Variants in TMOD1 observed in about 807,000 individuals in gnomAD.
The protein encoded by TMOD1 is tropomodulin-1.
TMOD1 carries 17 observed loss-of-function variants against 40.6 expected under a neutral mutation model. The observed-to-expected ratio is 0.42, with a 90% CI of 0.29 to 0.63. TMOD1 has a LOEUF of 0.63. Ranked by LOEUF, TMOD1 falls within the 20% of genes least tolerant of loss-of-function variation. The probability of loss-of-function intolerance (pLI) is 0.22; values close to 1 mark genes in which losing one functional copy is unlikely to be tolerated. For missense variants in TMOD1, 391 were observed against 447.6 expected (o/e 0.87, Z 1.14); for synonymous variants, 181 against 175.0 (o/e 1.03, Z -0.27).
At chr9:97,587,941 C>T (rs949950224) in intron 8 of TMOD1, among the ~76,000 whole-genome samples, 8 of 152,298 alleles carry the variant, frequency 5.3e-5, no homozygotes, top group Non-Finnish European at 7.4e-5. Flanking sequence ...ACTTTATTCC[C>T]TTTCTGACTG....
At chr9:97,545,202 CT>C (rs1830342377) in intron 2 of TMOD1, among the ~76,000 whole-genome samples, 1 of 152,216 alleles carries the variant, frequency 6.6e-6, no homozygotes, top group Non-Finnish European at 1.5e-5. Flanking sequence ...AAGAAGAACG[CT>C]GGTTTTTGTT....
chr9:97,538,564 C>T (rs1028341541), intron 2 of TMOD1, among the ~76,000 whole-genome samples: 4 of 152,168 alleles, frequency 2.6e-5, no homozygotes, highest in Non-Finnish European at 5.9e-5. Flanking sequence ...CAATTTCCCA[C>T]AGGCACCATG....
chr9:97,566,199 G>T (rs778672210), intron 7 of TMOD1, among the ~76,000 whole-genome samples: 21 of 152,134 alleles, frequency 1.4e-4, no homozygotes, highest in Non-Finnish European at 2.6e-4. Context: ...TCCCCACTTT[G>T]CACTTAAAAA....
intron 2 of TMOD1, among the ~76,000 whole-genome samples, chr9:97,542,686 C>T (rs1830291613): frequency 1.3e-5 from 2 of 151,926 alleles, no homozygotes; most frequent in African/African-American, 4.8e-5. Flanking sequence ...AACCCCGCCT[C>T]TACTAGAAAT....
At position 97,564,145 on chromosome 9, in the gene TMOD1, G is replaced by A; in HGVS notation, c.595G>A (p.Glu199Lys). The change falls in exon 6 of 10, where the codon GAA (glutamate) becomes AAA (lysine). Residue 199 changes from glutamate to lysine, a missense_variant. Transcript: ENST00000259365. ...AAAGAACAACGACCCAAAACTTGAA[G>A]AAGTTAACCTCAATAATATCCGGGT... ...RIKNNDPKLE[E>K]VNLNNIRNIP... 1 of 1,609,824 alleles carries A rather than the reference G, an allele frequency of 6.2e-7. No individual in the cohort carries two copies. Among genetic ancestry groups the A allele is most frequent in the East Asian group, 2.2e-5 (1 of 44,794 alleles).
At chr9:97,576,044 A>G (rs1049906464) in intron 8 of TMOD1, among the ~76,000 whole-genome samples, 1 of 152,050 alleles carries the variant, frequency 6.6e-6, no homozygotes, top group Admixed American at 6.5e-5. Context: ...AAAAAACAGA[A>G]GTAACCTAAA....
intron 2 of TMOD1, among the ~76,000 whole-genome samples, chr9:97,544,429 G>A (rs934968256): frequency 2.0e-5 from 3 of 151,950 alleles, no homozygotes; most frequent in African/African-American, 2.4e-5. Flanking sequence ...CCAGCTACTC[G>A]GGAGGCTGAG....
At position 97,600,355 on chromosome 9, in the gene TMOD1, A is replaced by G; in HGVS notation, c.*657A>G. On this transcript the variant is annotated 3_prime_UTR_variant, in exon 10 of 10. Transcript: ENST00000259365. ...AATGGTGAAATTTCAAGTTTCAAAA[A>G]CCAACCTTTCATTACCAATCCCAGG... The G allele has an allele frequency of 5.1e-6, 5 of 986,166 alleles. No homozygotes were observed. The highest frequency in any genetic ancestry group is 6.0e-6 in the Non-Finnish European group (5 of 830,218). The allele number at this position is 986,166 out of a possible 1,614,324, so 61.1% of individuals were successfully genotyped here. A position where few individuals can be genotyped will look rare whatever the true frequency, so the allele number is the denominator to read the frequency against.
At position 97,553,344 on chromosome 9, in the gene TMOD1, C is replaced by A. The variant is rs760447981; in HGVS notation, c.341C>A (p.Pro114Gln). 4 of 1,614,060 alleles carry A rather than the reference C, an allele frequency of 2.5e-6. No homozygotes were observed. In the Admixed American group the frequency reaches 6.7e-5, roughly 27 times the overall value. ...DPVLESVTLE[P>Q]ELEEALANAS... Reference sequence around the variant, plus strand: ...GTGCTGGAAAGTGTGACGCTGGAACCGGAGCTGGAGGAAGCCTTGGCAAAT... The same window carrying A: ...GTGCTGGAAAGTGTGACGCTGGAACAGGAGCTGGAGGAAGCCTTGGCAAAT... Residue 114 changes from proline to glutamine, a missense_variant, in exon 4 of 10, where the codon CCG (proline) becomes CAG (glutamine). Coordinates refer to ENST00000259365, the MANE Select transcript of TMOD1 (RefSeq NM_003275.4).
intron 2 of TMOD1, among the ~76,000 whole-genome samples, chr9:97,535,581 G>C (rs560026163): frequency 3.3e-5 from 5 of 152,132 alleles, no homozygotes; most frequent in Non-Finnish European, 5.9e-5. Context: ...GGCTGGGATC[G>C]TACCGTCATT....
chr9:97,563,963 C>T (rs953422912), intron 5 of TMOD1, 75 bp from the exon 6 acceptor site: 5 of 1,497,248 alleles, frequency 3.3e-6, no homozygotes, highest in Admixed American at 1.9e-5. Context: ...ATGCTCCCTT[C>T]CACAGTATCT....
At chr9:97,589,279 A>ATTT (rs563136711) in intron 8 of TMOD1, among the ~76,000 whole-genome samples, 5 of 109,466 alleles carry the variant, frequency 4.6e-5, no homozygotes, top group South Asian at 2.9e-4. Context: ...AAACTCACTA[A>ATTT]TTTTTTTTTT....
chr9:97,518,838 G>A (rs1829870131), intron 1 of TMOD1, among the ~76,000 whole-genome samples: 1 of 152,208 alleles, frequency 6.6e-6, no homozygotes, highest in African/African-American at 2.4e-5. Context: ...ACAGAATTTA[G>A]TGTAGAGGGA....
rs898478806 is a variant in TMOD1 at position 97,546,464 on chromosome 9, C to G, written c.277+123C>G. 17 of 1,036,354 alleles carry G rather than the reference C, an allele frequency of 1.6e-5. 1 individual carries two copies. The highest frequency in any genetic ancestry group is 2.1e-4 in the Middle Eastern group (1 of 4,684). 64.2% of individuals were successfully genotyped at this position (1,036,354 alleles called of 1,614,324 possible). On this transcript the variant is annotated intron_variant, in intron 3 of 9. Coordinates refer to ENST00000259365, the MANE Select transcript of TMOD1 (RefSeq NM_003275.4). ...GTGACTGGGCCTCCTTGTCCTCATC[C>G]CTGCCTGGCCAAAACACCCAAACCC...
At chr9:97,546,161 G>GC (rs758501153) in intron 2 of TMOD1, 24 bp from the exon 3 acceptor site, 88 of 1,584,578 alleles carry the variant, frequency 5.6e-5, no homozygotes, top group South Asian at 2.3e-4. Flanking sequence ...TCTCTCTCCT[G>GC]CCCCCCCACA....
chr9:97,592,159 G>A (rs985807020), intron 9 of TMOD1, among the ~76,000 whole-genome samples: 7 of 152,148 alleles, frequency 4.6e-5, no homozygotes, highest in African/African-American at 9.6e-5. Flanking sequence ...TGCAGATGCC[G>A]GTTGTTCACA....
chr9:97,528,352 T>C (rs1021138450), intron 2 of TMOD1, among the ~76,000 whole-genome samples: 3 of 152,148 alleles, frequency 2.0e-5, no homozygotes, highest in Non-Finnish European at 4.4e-5. Context: ...GGAGCAGGCA[T>C]GGGCCATCTG....
At chr9:97,550,552 A>G (rs1830434506) in intron 3 of TMOD1, among the ~76,000 whole-genome samples, 1 of 152,174 alleles carries the variant, frequency 6.6e-6, no homozygotes, top group African/African-American at 2.4e-5. Flanking sequence ...ATTTTTTAAA[A>G]TTGTAGCCAT....
chr9:97,549,964 T>C (rs1830422818), intron 3 of TMOD1, among the ~76,000 whole-genome samples: 1 of 152,192 alleles, frequency 6.6e-6, no homozygotes, highest in African/African-American at 2.4e-5. Context: ...TCCACAACAT[T>C]GTGCAACCAC....
Sources: allele counts gnomAD v4.1 joint callset (sites outside exome capture counted in the v4.1 genomes callset), GRCh38; gene constraint gnomAD v4.1.1; transcripts MANE v1.5; gene names NCBI Gene and HGNC (gene_info 2026-07-23, HGNC 2026-07-21).